The following PDE3A variants were observed in gnomAD, a reference collection of about 807,000 sequenced individuals.
The protein encoded by PDE3A is cGMP-inhibited 3',5'-cyclic phosphodiesterase 3A.
A neutral mutation model predicts 98.3 loss-of-function variants in PDE3A; 43 were observed. That is an observed-to-expected ratio of 0.44 (90% CI 0.34 to 0.56). The LOEUF (loss-of-function observed/expected upper bound fraction) is 0.56. PDE3A is among the 20% of genes least tolerant of loss of function. PDE3A has a pLI of 0.01. For missense variants in PDE3A, 1,427 were observed against 1,440.7 expected (o/e 0.99, Z 0.15); for synonymous variants, 663 against 567.9 (o/e 1.17, Z -2.38).
At chr12:20,453,213 G>A (rs531378070) in intron 1 of PDE3A, among the ~76,000 whole-genome samples, 105 of 140,942 alleles carry the variant, frequency 7.4e-4, no homozygotes, top group Non-Finnish European at 1.3e-3. Flanking sequence ...CCACTGTGTC[G>A]CCCAGGCTGG....
At chr12:20,455,540 C>T (rs1390212547) in intron 1 of PDE3A, among the ~76,000 whole-genome samples, 1 of 152,102 alleles carries the variant, frequency 6.6e-6, no homozygotes, top group Admixed American at 6.6e-5. Flanking sequence ...TAGGCAGGCA[C>T]CAGATGCTTG....
At chr12:20,584,392 A>C (rs561194199) in intron 2 of PDE3A, among the ~76,000 whole-genome samples, 12 of 152,278 alleles carry the variant, frequency 7.9e-5, no homozygotes, top group African/African-American at 2.9e-4. Context: ...AGAACATTAA[A>C]TGAATGTTAT....
chr12:20,493,643 T>C (rs1416989792), intron 1 of PDE3A, among the ~76,000 whole-genome samples: 1 of 152,130 alleles, frequency 6.6e-6, no homozygotes, highest in Admixed American at 6.6e-5. Context: ...TTTTCTTTTT[T>C]TTTTGAGGTG....
In PDE3A at chr12:20,417,799, C is replaced by A. The variant is rs180933793; in HGVS notation, c.960+47555C>A. On this transcript the variant is annotated intron_variant, in intron 1 of 15. Coordinates refer to ENST00000359062, the MANE Select transcript of PDE3A (RefSeq NM_000921.5). The stretch of plus-strand genomic sequence containing the variant: ...ATTTGTTGAGTACTTACTGAGTGTT[C>A]GAGGCAGCGTACTTAGATAATCTCT... Among the ~76,000 whole-genome samples, 65 of 152,146 alleles carry A rather than the reference C, an allele frequency of 4.3e-4. 1 individual carries two copies. Among genetic ancestry groups the A allele is most frequent in the African/African-American group, 1.5e-3 (63 of 41,504 alleles).
At chr12:20,572,709 C>T (rs900629197) in intron 2 of PDE3A, among the ~76,000 whole-genome samples, 1 of 151,996 alleles carries the variant, frequency 6.6e-6, no homozygotes, top group Non-Finnish European at 1.5e-5. Flanking sequence ...TACTAAACAT[C>T]TGTTCAAAGA....
rs1181815870 is a variant in PDE3A, at chr12:20,552,700, G to A, written c.961-3960G>A. On this transcript the variant is annotated intron_variant, in intron 1 of 15. Transcript: ENST00000359062. This position sits in a 1 kb window ranked among gnomAD's most constrained non-coding sequence, Gnocchi z 5.1. ...CCTCATCAGAGAGGACAAGAGCAAC[G>A]CCAAGCTGTGGAATGAGGTCCTGGC... 24 of 1,613,902 alleles carry A rather than the reference G, an allele frequency of 1.5e-5. No individual in the cohort carries two copies. The Admixed American group carries it at 3.5e-4, about 24-fold the overall frequency.
intron 2 of PDE3A, among the ~76,000 whole-genome samples, chr12:20,584,636 T>G (rs1943148997): frequency 6.6e-6 from 1 of 152,180 alleles, no homozygotes; most frequent in Non-Finnish European, 1.5e-5. Context: ...GTCCCTTTAT[T>G]ACATTACAAT....
At chr12:20,499,650 C>T (rs1210983614) in intron 1 of PDE3A, among the ~76,000 whole-genome samples, 1 of 152,024 alleles carries the variant, frequency 6.6e-6, no homozygotes, top group South Asian at 2.1e-4. Context: ...TCTCTCCACC[C>T]CGATTCTGCT....
chr12:20,372,714 CT>C (rs1323789333), intron 1 of PDE3A, among the ~76,000 whole-genome samples: 1 of 152,118 alleles, frequency 6.6e-6, no homozygotes, highest in Non-Finnish European at 1.5e-5. Context: ...TAACACTCCC[CT>C]GAATGTCATC....
chr12:20,580,660 T>C (rs189563622), intron 2 of PDE3A, among the ~76,000 whole-genome samples: 1 of 152,324 alleles, frequency 6.6e-6, no homozygotes, highest in Admixed American at 6.5e-5. Context: ...CTCTTTCTAT[T>C]GATCATGGGG....
At chr12:20,370,389 G>GTT (rs1407334826) in intron 1 of PDE3A, 145 bp downstream of exon 1, 553 of 424,386 alleles carry the variant, frequency 1.3e-3, no homozygotes, top group African/African-American at 1.7e-3. Context: ...AAACTAGCAG[G>GTT]TTTTTTTTTT....
chr12:20,665,959 CTTTTTTTTTT>C (rs35859257), intron 15 of PDE3A, among the ~76,000 whole-genome samples: 3 of 94,990 alleles, frequency 3.2e-5, no homozygotes, highest in Admixed American at 1.2e-4. Context: ...TTTGTCATTT[CTTTTTTTTTT>C]TTTTTTTTTT....
At chr12:20,485,051 A>AT (rs1175530899) in intron 1 of PDE3A, among the ~76,000 whole-genome samples, 1 of 152,142 alleles carries the variant, frequency 6.6e-6, no homozygotes, top group East Asian at 1.9e-4. Context: ...TGAAATGTCA[A>AT]TTTTTGTATT....
At chr12:20,648,936 T>G in intron 13 of PDE3A, 45 bp downstream of exon 13, 2 of 1,292,090 alleles carry the variant, frequency 1.5e-6, no homozygotes, top group South Asian at 2.7e-5. Flanking sequence ...TCTTTTTTTT[T>G]TTTTTTTGAG....
intron 14 of PDE3A, among the ~76,000 whole-genome samples, chr12:20,652,442 C>G (rs2121518887): frequency 6.6e-6 from 1 of 152,196 alleles, no homozygotes; most frequent in South Asian, 2.1e-4. Context: ...TGTTTCCTGA[C>G]TTTTTAATGA....
At chr12:20,420,631 A>C (rs550635979) in intron 1 of PDE3A, among the ~76,000 whole-genome samples, 1 of 152,184 alleles carries the variant, frequency 6.6e-6, no homozygotes, top group Admixed American at 6.5e-5. Flanking sequence ...GCTTGGTTAC[A>C]TGATTTTTTT....
At chr12:20,425,447 A>G (rs1390425829) in intron 1 of PDE3A, among the ~76,000 whole-genome samples, 2 of 152,204 alleles carry the variant, frequency 1.3e-5, no homozygotes, top group African/African-American at 4.8e-5. Flanking sequence ...GCCGTAAGGA[A>G]CTTTGTGACT....
intron 1 of PDE3A, among the ~76,000 whole-genome samples, chr12:20,428,732 C>A (rs1419906645): frequency 6.6e-6 from 1 of 152,080 alleles, no homozygotes; most frequent in Non-Finnish European, 1.5e-5. Flanking sequence ...ATGCTAATGA[C>A]AGTCATACTG....
chr12:20,534,627 T>A (rs1419562928), intron 1 of PDE3A, among the ~76,000 whole-genome samples: 2 of 152,220 alleles, frequency 1.3e-5, no homozygotes, highest in African/African-American at 2.4e-5. Flanking sequence ...TGGCAACCAC[T>A]CTAGACCTTT....
Sources: gnomAD v4.1 joint callset for allele counts (sites outside exome capture counted in the v4.1 genomes callset) on GRCh38, gnomAD v4.1.1 for gene constraint, Gnocchi (gnomAD v3.1) non-coding constraint, MANE v1.5 for transcripts, NCBI Gene and HGNC (gene_info 2026-07-23, HGNC 2026-07-21) for gene names.